Variants in TXLNB observed in about 807,000 individuals in gnomAD.
TXLNB encodes taxilin beta.
A neutral mutation model predicts 57.4 loss-of-function variants in TXLNB; 37 were observed. The ratio of observed to expected loss-of-function variants is 0.64; its 90% CI spans 0.50 to 0.85. The LOEUF (loss-of-function observed/expected upper bound fraction) is 0.85. Ranked by LOEUF, TXLNB falls within the 40% of genes least tolerant of loss-of-function variation. The pLI is 0.00. For synonymous variants in TXLNB, 302 were observed against 309.6 expected, an observed-to-expected ratio of 0.98 and a Z score of 0.26; for missense variants, 848 against 825.6, an observed-to-expected ratio of 1.03 and a Z score of -0.33.
At chr6:139,323,204 T>C in the TXLNB span, among the ~76,000 whole-genome samples, 4 of 152,026 alleles carry the variant, frequency 2.6e-5, no homozygotes, top group Non-Finnish European at 5.9e-5. Context: ...TGGGGCTCAG[T>C]GTGTGGTTTG....
the TXLNB span, among the ~76,000 whole-genome samples, chr6:139,164,640 C>A: frequency 0.037 from 5,577 of 152,134 alleles, 342 homozygotes; most frequent in Admixed American, 0.15. Flanking sequence ...GGTATAAAAT[C>A]CTACGGAAAT....
At chr6:139,194,327 G>A in the TXLNB span, among the ~76,000 whole-genome samples, 1 of 152,200 alleles carries the variant, frequency 6.6e-6, no homozygotes, top group East Asian at 1.9e-4. Context: ...CAACTGGAAA[G>A]GGAGTGAATG....
the TXLNB span, among the ~76,000 whole-genome samples, chr6:139,316,147 G>A: frequency 5.1e-4 from 78 of 152,124 alleles, no homozygotes; most frequent in African/African-American, 1.7e-3. Flanking sequence ...AGGTTATATC[G>A]GCCTAAGCCC....
chr6:139,312,718 G>T, the TXLNB span, among the ~76,000 whole-genome samples: 975 of 152,188 alleles, frequency 6.4e-3, 33 homozygotes, highest in Admixed American at 0.044. Flanking sequence ...TATAGCATAC[G>T]CAGGAGAAGC....
the TXLNB span, among the ~76,000 whole-genome samples, chr6:139,202,443 A>G: frequency 6.6e-5 from 10 of 152,250 alleles, no homozygotes; most frequent in South Asian, 4.1e-4. Context: ...ACTTACGTGT[A>G]TGTACATATA....
At chr6:139,315,551 C>T in the TXLNB span, among the ~76,000 whole-genome samples, 5 of 152,012 alleles carry the variant, frequency 3.3e-5, no homozygotes, top group Non-Finnish European at 7.4e-5. Context: ...CCTCTGGCTG[C>T]GAATAGTACT....
chr6:139,232,962 T>C, the TXLNB span, among the ~76,000 whole-genome samples: 5 of 152,238 alleles, frequency 3.3e-5, no homozygotes, highest in African/African-American at 1.2e-4. Context: ...TTAAGTACAA[T>C]GTGTGGAAAA....
At chr6:139,315,025 C>A in the TXLNB span, among the ~76,000 whole-genome samples, 7 of 152,050 alleles carry the variant, frequency 4.6e-5, no homozygotes, top group Admixed American at 1.3e-4. Context: ...AAGTCTGAAC[C>A]CCCCAAATTG....
chr6:139,232,345 C>T, the TXLNB span, among the ~76,000 whole-genome samples: 234 of 152,262 alleles, frequency 1.5e-3, no homozygotes, highest in African/African-American at 5.5e-3. Flanking sequence ...CCACCGGGTC[C>T]CTCCCTCAAC....
At chr6:139,318,390 C>T in the TXLNB span, among the ~76,000 whole-genome samples, 2 of 150,972 alleles carry the variant, frequency 1.3e-5, no homozygotes, top group African/African-American at 2.4e-5. Context: ...ATAATTCTTA[C>T]GTATGTGTAA....
the TXLNB span, chr6:139,201,897 A>C: frequency 6.6e-6 from 1 of 152,268 alleles, no homozygotes; most frequent in Non-Finnish European, 1.5e-5. Flanking sequence ...TCAAAGCTGA[A>C]AACACCGGGG....
chr6:139,190,446 A>T, the TXLNB span, among the ~76,000 whole-genome samples: 1 of 151,336 alleles, frequency 6.6e-6, no homozygotes, highest in East Asian at 1.9e-4. Context: ...AGTAGCTGGG[A>T]CTACAGGTGC....
At chr6:139,313,748 T>A in the TXLNB span, among the ~76,000 whole-genome samples, 1 of 152,176 alleles carries the variant, frequency 6.6e-6, no homozygotes, top group Non-Finnish European at 1.5e-5. Flanking sequence ...TAAGATTTTA[T>A]TTTTTTCACA....
the TXLNB span, among the ~76,000 whole-genome samples, chr6:139,231,036 C>A: frequency 9.2e-5 from 14 of 152,260 alleles, no homozygotes; most frequent in African/African-American, 3.1e-4. Context: ...TACATACATA[C>A]AATGCACTCC....
At chr6:139,192,683 G>C in the TXLNB span, among the ~76,000 whole-genome samples, 23 of 152,112 alleles carry the variant, frequency 1.5e-4, no homozygotes, top group East Asian at 4.3e-3. Context: ...GATGGCTCAC[G>C]CCTGTAATCC....
chr6:139,296,140 T>C (rs1777385314), upstream of TXLNB, among the ~76,000 whole-genome samples: 1 of 152,196 alleles, frequency 6.6e-6, no homozygotes, highest in African/African-American at 2.4e-5. Flanking sequence ...ACCTCTCTCC[T>C]GTTGCCTGGC....
intron 6 of TXLNB, among the ~76,000 whole-genome samples, chr6:139,259,573 A>T (rs1440346414): frequency 6.6e-6 from 1 of 151,912 alleles, no homozygotes. Context: ...ACTCAATCTA[A>T]AGTACGTCCC....
chr6:139,285,734 G>C (rs1012524808), intron 2 of TXLNB, among the ~76,000 whole-genome samples: 1 of 145,172 alleles, frequency 6.9e-6, no homozygotes. Context: ...TGATGCCATC[G>C]TAAAGCAAAC....
chr6:139,305,925 A>G, the TXLNB span, among the ~76,000 whole-genome samples: 3 of 152,208 alleles, frequency 2.0e-5, no homozygotes, highest in Admixed American at 1.3e-4. Context: ...GGAATTAAGT[A>G]TAGAACAATT....
Sources: allele counts gnomAD v4.1 joint callset (sites outside exome capture counted in the v4.1 genomes callset), GRCh38; gene constraint gnomAD v4.1.1; transcripts MANE v1.5; gene names NCBI Gene and HGNC (gene_info 2026-07-23, HGNC 2026-07-21).